The following CHMP4C variants were observed in gnomAD, a reference collection of about 807,000 sequenced individuals.
CHMP4C encodes charged multivesicular body protein 4C, also known as SNF7 homolog associated with Alix 3.
A neutral mutation model predicts 29.0 loss-of-function variants in CHMP4C; 28 were observed. The ratio of observed to expected loss-of-function variants is 0.97; its 90% confidence interval spans 0.72 to 1.32. The LOEUF is 1.32. Among genes scored for constraint, CHMP4C ranks in the 40% most tolerant of loss-of-function variants. CHMP4C has a pLI of 0.00. For missense variants in CHMP4C, 291 were observed against 281.0 expected (o/e 1.04, Z -0.25); for synonymous variants, 106 against 102.4 (o/e 1.04, Z -0.21).
intron 1 of CHMP4C, among the ~76,000 whole-genome samples, chr8:81,745,397 G>T (rs1017845563): frequency 6.6e-6 from 1 of 152,104 alleles, no homozygotes; most frequent in Non-Finnish European, 1.5e-5. Context: ...GTTCCTAAAA[G>T]GTTCTTCCTG....
At chr8:81,734,460 C>T (rs1432380009) in intron 1 of CHMP4C, among the ~76,000 whole-genome samples, 2 of 139,080 alleles carry the variant, frequency 1.4e-5, no homozygotes, top group Non-Finnish European at 3.1e-5. Context: ...CCTCCCGAGT[C>T]GCTGGGATTA....
intron 3 of CHMP4C, 32 bp downstream of exon 3, chr8:81,755,516 G>T (rs763333304): frequency 2.6e-5 from 34 of 1,308,848 alleles, no homozygotes; most frequent in Non-Finnish European, 1.1e-6. Flanking sequence ...ATGCAGGATT[G>T]TGGCTGCTAT....
chr8:81,758,048 A>G, intron 3 of CHMP4C, 94 bp from the exon 4 acceptor site: 1 of 1,131,532 alleles, frequency 8.8e-7, no homozygotes, highest in South Asian at 1.5e-5. Context: ...GTTCTCACAT[A>G]TCAATTGGGT....
At chr8:81,756,137 T>C (rs1247806707) in intron 3 of CHMP4C, among the ~76,000 whole-genome samples, 1 of 152,190 alleles carries the variant, frequency 6.6e-6, no homozygotes, top group Non-Finnish European at 1.5e-5. Context: ...AAATAACACA[T>C]TTAGCAAGTA....
rs556834394 is a variant in CHMP4C at position 81,752,388 on chromosome 8, T to C, written c.191-676T>C. 3.9e-5 allele frequency among the ~76,000 whole-genome samples: 6 copies of C among 152,266 alleles called. No individual in the cohort carries two copies. The South Asian group carries it at 1.0e-3, about 26-fold the overall frequency. ...TTAGAGTGAGGCAAGTTAGGTTATC[T>C]TGTTAAAATGTTAATGGGAAGATTA... On this transcript the variant is annotated intron_variant, in intron 1 of 4. Transcript: ENST00000297265.
At chr8:81,745,184 C>A (rs1808806899) in intron 1 of CHMP4C, among the ~76,000 whole-genome samples, 3 of 152,034 alleles carry the variant, frequency 2.0e-5, no homozygotes, top group Admixed American at 6.6e-5. Flanking sequence ...AAAACATGAC[C>A]ACGAGCCTTC....
At position 81,758,602 on chromosome 8, in the gene CHMP4C, T is replaced by C. The variant is rs192980693; in HGVS notation, c.*58T>C. ...AGCTATAGATAAAATATAAAAAATGTTTTTACCAAGTTCAGAAGTTAACAA... is the reference window on the plus strand; with the variant it reads ...AGCTATAGATAAAATATAAAAAATGCTTTTACCAAGTTCAGAAGTTAACAA... On this transcript the variant is annotated 3_prime_UTR_variant, in exon 5 of 5. Coordinates refer to ENST00000297265, the MANE Select transcript of CHMP4C (RefSeq NM_152284.4). 85 of 1,172,888 alleles carry C rather than the reference T, an allele frequency of 7.2e-5. 1 individual carries two copies. In the African/African-American group the frequency reaches 9.8e-4, roughly 14 times the overall value. The allele number at this position is 1,172,888 out of a possible 1,614,324, so 72.7% of individuals were successfully genotyped here.
At chr8:81,747,933 T>C (rs951148603) in intron 1 of CHMP4C, among the ~76,000 whole-genome samples, 2 of 152,154 alleles carry the variant, frequency 1.3e-5, no homozygotes, top group Admixed American at 6.5e-5. Context: ...CAAAATTTAT[T>C]AGGCAGGAAT....
Position 81,758,773 on chromosome 8 carries a change from G to T in CHMP4C, c.*229G>T. ...GCCTATAATCCCAGCACTTTGGGAGGCTGAGGCAGTTGAGACCAGGAGTTC... is the reference window on the plus strand; with the variant it reads ...GCCTATAATCCCAGCACTTTGGGAGTCTGAGGCAGTTGAGACCAGGAGTTC... On this transcript the variant is annotated 3_prime_UTR_variant, in exon 5 of 5. Transcript: ENST00000297265. 1 of 463,868 alleles carries T rather than the reference G, an allele frequency of 2.2e-6. No homozygotes were observed. Among genetic ancestry groups the T allele is most frequent in the Admixed American group, 3.7e-5 (1 of 26,844 alleles). The allele number at this position is 463,868 out of a possible 1,614,324, so 28.7% of individuals were successfully genotyped here.
intron 1 of CHMP4C, among the ~76,000 whole-genome samples, chr8:81,746,484 T>A (rs1230276431): frequency 6.6e-6 from 1 of 152,216 alleles, no homozygotes; most frequent in Non-Finnish European, 1.5e-5. Context: ...TGCTCTGTAT[T>A]GCCACCATTG....
At chr8:81,756,117 G>A (rs1482492360) in intron 3 of CHMP4C, among the ~76,000 whole-genome samples, 1 of 152,122 alleles carries the variant, frequency 6.6e-6, no homozygotes, top group East Asian at 1.9e-4. Flanking sequence ...CTGCATCTAT[G>A]TGATATTAAA....
At chr8:81,755,581 C>T (rs1252318418) in intron 3 of CHMP4C, 97 bp downstream of exon 3, 1 of 611,382 alleles carries the variant, frequency 1.6e-6, no homozygotes. Context: ...ACTGAAAGAA[C>T]AAGTGATATT....
intron 1 of CHMP4C, 89 bp from the exon 2 acceptor site, chr8:81,752,975 G>A (rs998681462): frequency 4.6e-6 from 5 of 1,080,368 alleles, no homozygotes; most frequent in Non-Finnish European, 6.5e-6. Flanking sequence ...GTTATCAGAA[G>A]GTCTAAGTCC....
chr8:81,738,187 T>C (rs1195769978), intron 1 of CHMP4C, among the ~76,000 whole-genome samples: 1 of 152,118 alleles, frequency 6.6e-6, no homozygotes, highest in Non-Finnish European at 1.5e-5. Context: ...ACTCCAAATA[T>C]GTAAATATGT....
intron 1 of CHMP4C, among the ~76,000 whole-genome samples, chr8:81,736,655 G>A (rs1250656209): frequency 2.0e-5 from 3 of 152,116 alleles, no homozygotes; most frequent in African/African-American, 7.2e-5. Context: ...TTCTGATGGT[G>A]CGCACCTCTA....
At chr8:81,750,697 G>T (rs118127109) in intron 1 of CHMP4C, among the ~76,000 whole-genome samples, 5,276 of 152,038 alleles carry the variant, frequency 0.035, 149 homozygotes, top group Non-Finnish European at 0.055. Flanking sequence ...TGTTTTCAGG[G>T]TGTGTGTGTA....
intron 1 of CHMP4C, among the ~76,000 whole-genome samples, chr8:81,752,174 T>G (rs1808911681): frequency 6.6e-6 from 1 of 152,212 alleles, no homozygotes; most frequent in Non-Finnish European, 1.5e-5. Context: ...TGCTTTACTT[T>G]GAAACCTTAA....
intron 1 of CHMP4C, among the ~76,000 whole-genome samples, chr8:81,743,031 A>G (rs1021635267): frequency 2.6e-5 from 4 of 151,974 alleles, no homozygotes; most frequent in African/African-American, 9.7e-5. Context: ...GGAGCTATAT[A>G]TTTTTTAAGA....
At chr8:81,754,611 T>G (rs1808948086) in intron 2 of CHMP4C, among the ~76,000 whole-genome samples, 1 of 152,056 alleles carries the variant, frequency 6.6e-6, no homozygotes, top group Non-Finnish European at 1.5e-5. Flanking sequence ...TTGGCCTAGT[T>G]TCAGAGTTGG....
Sources: allele counts gnomAD v4.1 joint callset (sites outside exome capture counted in the v4.1 genomes callset), GRCh38; gene constraint gnomAD v4.1.1; transcripts MANE v1.5; gene names NCBI Gene and HGNC (gene_info 2026-07-23, HGNC 2026-07-21).